C12orf42: variants seen among roughly 807,000 people sequenced by gnomAD.
The protein encoded by C12orf42 is uncharacterized protein C12orf42.
Under a neutral mutation model 21.6 loss-of-function variants are expected in C12orf42, and 25 were observed. That is an observed-to-expected ratio of 1.16 (90% CI 0.84 to 1.62). C12orf42 has a LOEUF of 1.62. Ranked by LOEUF, C12orf42 falls within the 40% of genes most tolerant of loss-of-function variation. The pLI, the probability that C12orf42 is intolerant of heterozygous loss-of-function variation, is 0.00. For synonymous variants in C12orf42, 174 were observed against 175.0 expected (o/e 0.99, Z 0.05); for missense variants, 483 against 459.3 (o/e 1.05, Z -0.47).
intron 2 of C12orf42, among the ~76,000 whole-genome samples, chr12:103,466,082 A>T (rs1313355974): frequency 6.6e-6 from 1 of 152,102 alleles, no homozygotes; most frequent in Non-Finnish European, 1.5e-5. Context: ...TATCTTTGCC[A>T]GCTTTTGGTA....
intron 10 of C12orf42, among the ~76,000 whole-genome samples, chr12:103,254,399 G>C (rs568345147): frequency 3.3e-5 from 5 of 152,038 alleles, no homozygotes; most frequent in Non-Finnish European, 5.9e-5. Flanking sequence ...TTGCATCTTT[G>C]CCAGGTTTTG....
the C12orf42 span, among the ~76,000 whole-genome samples, chr12:103,079,884 G>A: frequency 6.6e-6 from 1 of 152,234 alleles, no homozygotes; most frequent in Middle Eastern, 3.4e-3. Context: ...TAGTCATATT[G>A]CTAACTTGAA....
At chr12:103,304,603 T>C (rs2038083290) in intron 5 of C12orf42, among the ~76,000 whole-genome samples, 1 of 152,174 alleles carries the variant, frequency 6.6e-6, no homozygotes, top group Non-Finnish European at 1.5e-5. Context: ...CTAGAAATAC[T>C]CTGACCTGGA....
chr12:103,271,498 G>A (rs2035473844), intron 5 of C12orf42, among the ~76,000 whole-genome samples: 1 of 152,128 alleles, frequency 6.6e-6, no homozygotes, highest in Non-Finnish European at 1.5e-5. Flanking sequence ...CACTACTTGT[G>A]TGACTCCAGC....
rs935882379 is a variant in C12orf42, at chr12:103,391,362, G to A, written c.147+10245C>T. ...GAAACACCAAACTGTATTAACAACCGCTATACTATTTTACATTCCTACCAG... is the reference window on the plus strand; with the variant it reads ...GAAACACCAAACTGTATTAACAACCACTATACTATTTTACATTCCTACCAG... On this transcript the variant is annotated intron_variant, in intron 3 of 5. Coordinates refer to ENST00000548883, the MANE Select transcript of C12orf42 (RefSeq NM_198521.5). Among the ~76,000 whole-genome samples the A allele has an allele frequency of 7.2e-5, 11 of 152,162 alleles. No homozygotes were observed. In the South Asian group the frequency reaches 1.2e-3, roughly 17 times the overall value.
chr12:103,333,421 C>A (rs543099763), intron 4 of C12orf42, among the ~76,000 whole-genome samples: 2 of 152,246 alleles, frequency 1.3e-5, no homozygotes, highest in East Asian at 1.9e-4. Flanking sequence ...TAGAATTTTA[C>A]CTGACTTTAA....
chr12:103,281,451 C>A (rs571165732), intron 4 of C12orf42, among the ~76,000 whole-genome samples: 1 of 152,190 alleles, frequency 6.6e-6, no homozygotes, highest in Non-Finnish European at 1.5e-5. Flanking sequence ...CCAGCTCCAC[C>A]TCCTGGGTTC....
At chr12:103,458,951 G>A (rs1355214163) in intron 2 of C12orf42, among the ~76,000 whole-genome samples, 6 of 142,920 alleles carry the variant, frequency 4.2e-5, no homozygotes, top group African/African-American at 5.5e-5. Flanking sequence ...TGTATTAAAT[G>A]TGCAAAAAAA....
the C12orf42 span, among the ~76,000 whole-genome samples, chr12:103,135,744 T>C: frequency 6.6e-6 from 1 of 152,178 alleles, no homozygotes; most frequent in Non-Finnish European, 1.5e-5. Context: ...AATGCAAGAA[T>C]GGTTCAACAT....
chr12:103,348,428 T>C (rs2042822315), intron 4 of C12orf42, among the ~76,000 whole-genome samples: 1 of 152,136 alleles, frequency 6.6e-6, no homozygotes, highest in Non-Finnish European at 1.5e-5. Context: ...TAAAGAAAGA[T>C]TGAAATAACT....
intron 4 of C12orf42, among the ~76,000 whole-genome samples, chr12:103,345,523 G>A (rs1389952098): frequency 6.6e-6 from 1 of 151,980 alleles, no homozygotes; most frequent in African/African-American, 2.4e-5. Context: ...GAAAATTATG[G>A]GATTATGTTT....
At chr12:103,140,124 C>T in the C12orf42 span, among the ~76,000 whole-genome samples, 2 of 152,196 alleles carry the variant, frequency 1.3e-5, no homozygotes, top group African/African-American at 4.8e-5. Flanking sequence ...CTGGTTGTCA[C>T]TGGAATTGTC....
chr12:103,514,507 C>T, the C12orf42 span, among the ~76,000 whole-genome samples: 2 of 151,992 alleles, frequency 1.3e-5, no homozygotes, highest in African/African-American at 4.8e-5. Context: ...GTGACTGGGG[C>T]CCCATGGGGA....
At chr12:103,368,831 T>C (rs2044880988) in intron 4 of C12orf42, 56 bp downstream of exon 4, 1 of 881,078 alleles carries the variant, frequency 1.1e-6, no homozygotes, top group Admixed American at 2.5e-5. Flanking sequence ...TACCTGTACA[T>C]AGTCCAGAGT....
chr12:103,325,149 G>T (rs1231352522), intron 4 of C12orf42, among the ~76,000 whole-genome samples: 2 of 152,134 alleles, frequency 1.3e-5, no homozygotes, highest in African/African-American at 4.8e-5. Flanking sequence ...TTAAATTTAG[G>T]CCTCTGGGAC....
At chr12:103,549,764 T>C in the C12orf42 span, among the ~76,000 whole-genome samples, 1 of 152,230 alleles carries the variant, frequency 6.6e-6, no homozygotes, top group Admixed American at 6.5e-5. Flanking sequence ...TCACTTGATA[T>C]ACCAATCTTC....
chr12:103,052,802 A>T, the C12orf42 span, among the ~76,000 whole-genome samples: 1 of 152,036 alleles, frequency 6.6e-6, no homozygotes, highest in East Asian at 1.9e-4. Context: ...ACTTAGATCT[A>T]TGAACTATTT....
At chr12:103,245,905 C>CAG (rs1459522518) in intron 10 of C12orf42, among the ~76,000 whole-genome samples, 7 of 151,990 alleles carry the variant, frequency 4.6e-5, no homozygotes, top group Admixed American at 4.6e-4. Flanking sequence ...TAGAGCAATA[C>CAG]AGAGGTCAGA....
intron 4 of C12orf42, among the ~76,000 whole-genome samples, chr12:103,363,476 T>C (rs948444346): frequency 2.2e-4 from 34 of 152,206 alleles, no homozygotes; most frequent in African/African-American, 6.5e-4. Flanking sequence ...GCACAATTAA[T>C]GGATTAGTAC....
Sources: gnomAD v4.1 joint callset for allele counts (sites outside exome capture counted in the v4.1 genomes callset) on GRCh38, gnomAD v4.1.1 for gene constraint, MANE v1.5 for transcripts, NCBI Gene and HGNC (gene_info 2026-07-23, HGNC 2026-07-21) for gene names.